The following CAMSAP2 variants were observed in gnomAD, a reference collection of about 807,000 sequenced individuals.
CAMSAP2 encodes calmodulin regulated spectrin associated protein family member 2, also known as calmodulin-regulated spectrin-associated protein 2.
Under a neutral mutation model 146.1 loss-of-function variants are expected in CAMSAP2, and 26 were observed. The observed-to-expected ratio is 0.18, with a 90% CI of 0.13 to 0.25. The LOEUF is 0.25. Among genes scored for constraint, CAMSAP2 ranks in the 10% least tolerant of loss-of-function variants. The pLI is 1.00. For synonymous variants in CAMSAP2, 499 were observed against 596.6 expected, an observed-to-expected ratio of 0.84 and a Z score of 2.38; for missense variants, 1,381 against 1,759.3, an observed-to-expected ratio of 0.78 and a Z score of 3.85.
rs372097433 is a variant in CAMSAP2 at position 200,850,258 on chromosome 1, T to A, written c.3465+24T>A. On this transcript the variant is annotated intron_variant, in intron 11 of 16. Coordinates refer to ENST00000358823, the MANE Select transcript of CAMSAP2 (RefSeq NM_203459.4). ...AGGTGTAGTATTAATCTGCATAGTT[T>A]TGGGCATCTTCATTAGATGAGTGTG... The A allele has an allele frequency of 2.0e-6, 3 of 1,524,464 alleles. No individual in the cohort carries two copies. The African/African-American group carries it at 4.2e-5, about 21-fold the overall frequency. 94.4% of individuals were successfully genotyped at this position (1,524,464 alleles called of 1,614,324 possible).
intron 3 of CAMSAP2, among the ~76,000 whole-genome samples, chr1:200,812,561 A>G (rs1169622221): frequency 6.6e-6 from 1 of 152,108 alleles, no homozygotes; most frequent in African/African-American, 2.4e-5. Context: ...CAGATTTAGT[A>G]TATGTTTTCT....
At chr1:200,754,828 T>C (rs1664605247) in intron 1 of CAMSAP2, among the ~76,000 whole-genome samples, 1 of 152,122 alleles carries the variant, frequency 6.6e-6, no homozygotes, top group South Asian at 2.1e-4. Flanking sequence ...GTGATCTGCC[T>C]GCCTCGGCCT....
chr1:200,747,988 A>G (rs1359477044), intron 1 of CAMSAP2, among the ~76,000 whole-genome samples: 1 of 146,598 alleles, frequency 6.8e-6, no homozygotes, highest in Non-Finnish European at 1.5e-5. Context: ...CTCCGTCTCA[A>G]AAAAAAAAAA....
intron 2 of CAMSAP2, among the ~76,000 whole-genome samples, chr1:200,803,141 AGG>A (rs1405910604): frequency 6.6e-6 from 1 of 152,124 alleles, no homozygotes; most frequent in Non-Finnish European, 1.5e-5. Flanking sequence ...CAAGGTGCAG[AGG>A]TTGGGATTTA....
At position 200,841,396 on chromosome 1, in the gene CAMSAP2, G is replaced by A. The variant is rs112814572; in HGVS notation, c.928-598G>A. ...CAAGTAGCTAGGATTACAGGCACGC[G>A]CCACCACACCCGGCTAGTTTTTTGT... is the stretch of plus-strand genomic sequence containing the variant. On this transcript the variant is annotated intron_variant, in intron 6 of 16. Coordinates refer to ENST00000358823, the MANE Select transcript of CAMSAP2 (RefSeq NM_203459.4). Among the ~76,000 whole-genome samples the A allele has an allele frequency of 1.3e-3, 191 of 152,140 alleles. 1 individual carries two copies. Among genetic ancestry groups the A allele is most frequent in the African/African-American group, 4.3e-3 (180 of 41,506 alleles).
chr1:200,789,003 G>A (rs1665673519), intron 2 of CAMSAP2, among the ~76,000 whole-genome samples: 1 of 151,944 alleles, frequency 6.6e-6, no homozygotes, highest in Admixed American at 6.6e-5. Context: ...CTTTGGTGAG[G>A]TGTTTGTTAA....
At chr1:200,804,784 G>C (rs72746852) in intron 2 of CAMSAP2, among the ~76,000 whole-genome samples, 1 of 152,216 alleles carries the variant, frequency 6.6e-6, no homozygotes, top group Non-Finnish European at 1.5e-5. Context: ...ATACTTCTTA[G>C]AGGAGATTGA....
intron 2 of CAMSAP2, among the ~76,000 whole-genome samples, chr1:200,788,492 C>G (rs1454357781): frequency 6.6e-6 from 1 of 152,110 alleles, no homozygotes; most frequent in Non-Finnish European, 1.5e-5. Context: ...ATTTTGGATT[C>G]CCACTAGCAG....
intron 2 of CAMSAP2, among the ~76,000 whole-genome samples, chr1:200,793,202 A>G (rs1258404675): frequency 1.3e-5 from 2 of 152,186 alleles, no homozygotes; most frequent in Non-Finnish European, 2.9e-5. Flanking sequence ...AGTTTTCCTC[A>G]TCTATAGTAA....
intron 4 of CAMSAP2, among the ~76,000 whole-genome samples, chr1:200,819,380 A>G (rs1666689762): frequency 6.6e-6 from 1 of 152,168 alleles, no homozygotes; most frequent in Admixed American, 6.5e-5. Flanking sequence ...TAATTTTTTT[A>G]TAAGTTGCAC....
chr1:200,819,573 A>G (rs1003694460), intron 4 of CAMSAP2, among the ~76,000 whole-genome samples: 3 of 152,156 alleles, frequency 2.0e-5, no homozygotes, highest in African/African-American at 4.8e-5. Flanking sequence ...TTCTGCCACT[A>G]AATAGCTTCA....
intron 4 of CAMSAP2, among the ~76,000 whole-genome samples, chr1:200,817,211 T>TATAAGTGTGTGTGTATACACAC (rs1415827685): frequency 7.5e-4 from 42 of 56,150 alleles, no homozygotes; most frequent in Non-Finnish European, 1.1e-3. Context: ...TATACACACA[T>TATAAGTGTGTGTGTATACACAC]ACACACATAT....
chr1:200,791,915 A>T (rs1430333341), intron 2 of CAMSAP2, among the ~76,000 whole-genome samples: 1 of 152,038 alleles, frequency 6.6e-6, no homozygotes, highest in Non-Finnish European at 1.5e-5. Context: ...GCAGTGAGCC[A>T]AGAACACGCC....
chr1:200,852,464 A>C (rs1667645964), intron 11 of CAMSAP2, 77 bp from the exon 12 acceptor site: 8 of 1,518,796 alleles, frequency 5.3e-6, no homozygotes, highest in African/African-American at 1.4e-5. Flanking sequence ...CTAACCACAA[A>C]ATGTGACTAC....
intron 6 of CAMSAP2, among the ~76,000 whole-genome samples, chr1:200,838,374 TAC>T (rs1260190515): frequency 6.6e-6 from 1 of 152,176 alleles, no homozygotes; most frequent in Non-Finnish European, 1.5e-5. Flanking sequence ...TTAGAAAGTA[TAC>T]CATAAAGATA....
chr1:200,746,255 T>C (rs1019530137), intron 1 of CAMSAP2, among the ~76,000 whole-genome samples: 2 of 152,196 alleles, frequency 1.3e-5, no homozygotes, highest in African/African-American at 2.4e-5. Context: ...AGGGAAGTTA[T>C]TATGTTTCAG....
intron 2 of CAMSAP2, among the ~76,000 whole-genome samples, chr1:200,795,854 GGCAGAATTAAATA>G (rs2103035929): frequency 6.6e-6 from 1 of 152,154 alleles, no homozygotes; most frequent in Admixed American, 6.5e-5. Flanking sequence ...TAAAAATTTG[GGCAGAATTAAATA>G]GCAGTTAAAT....
chr1:200,801,265 A>G (rs1666030064), intron 2 of CAMSAP2, among the ~76,000 whole-genome samples: 1 of 142,098 alleles, frequency 7.0e-6, no homozygotes, highest in African/African-American at 2.7e-5. Flanking sequence ...TCCATCTCAA[A>G]GAAAAAAAAA....
chr1:200,817,190 A>ATATAAG (rs756900623), intron 4 of CAMSAP2, among the ~76,000 whole-genome samples: 3 of 77,396 alleles, frequency 3.9e-5, no homozygotes, highest in South Asian at 4.8e-4. Flanking sequence ...ACACACACAC[A>ATATAAG]TGTGTGTGTG....
Sources: allele counts gnomAD v4.1 joint callset (sites outside exome capture counted in the v4.1 genomes callset), GRCh38; gene constraint gnomAD v4.1.1; transcripts MANE v1.5; gene names NCBI Gene and HGNC (gene_info 2026-07-23, HGNC 2026-07-21).